The following PRELID2 variants were observed in gnomAD, a reference collection of about 807,000 sequenced individuals.
PRELID2 encodes the protein PRELI domain containing 2, also known as PRELI domain-containing protein 2.
PRELID2 carries 25 observed loss-of-function variants against 28.4 expected under a neutral mutation model. The observed-to-expected ratio is 0.88, with a 90% CI of 0.64 to 1.23. The LOEUF is 1.23. PRELID2 is among the 50% of genes most tolerant of loss of function. The pLI is 0.00. For missense variants in PRELID2, 201 were observed against 214.4 expected, an observed-to-expected ratio of 0.94 and a Z score of 0.39; for synonymous variants, 76 against 71.6, an observed-to-expected ratio of 1.06 and a Z score of -0.31.
intron 1 of PRELID2, among the ~76,000 whole-genome samples, chr5:145,713,800 C>T (rs1438687663): frequency 6.8e-6 from 1 of 146,872 alleles, no homozygotes; most frequent in Non-Finnish European, 1.5e-5. Context: ...AATGTAATTA[C>T]ATTTAAATGT....
chr5:145,493,197 A>G (rs1752282277), intron 1 of PRELID2, among the ~76,000 whole-genome samples: 1 of 95,744 alleles, frequency 1.0e-5, no homozygotes, highest in African/African-American at 3.0e-5. Flanking sequence ...AGCCCTGGAG[A>G]GTTCTACTCC....
chr5:145,312,287 G>T, the PRELID2 span, among the ~76,000 whole-genome samples: 1 of 152,026 alleles, frequency 6.6e-6, no homozygotes, highest in African/African-American at 2.4e-5. Context: ...GGAGGTCGAG[G>T]CTGCAGTGAG....
the PRELID2 span, among the ~76,000 whole-genome samples, chr5:145,307,106 T>C: frequency 1.3e-5 from 2 of 152,228 alleles, no homozygotes; most frequent in East Asian, 3.8e-4. Context: ...TATTCCTTGC[T>C]TCTGTTGCTA....
the PRELID2 span, among the ~76,000 whole-genome samples, chr5:145,393,167 A>G: frequency 6.6e-6 from 1 of 152,216 alleles, no homozygotes; most frequent in African/African-American, 2.4e-5. Flanking sequence ...TGAATGTATA[A>G]TAGAGAATGA....
At chr5:145,518,262 C>T (rs1459748290) in intron 1 of PRELID2, among the ~76,000 whole-genome samples, 8 of 152,022 alleles carry the variant, frequency 5.3e-5, no homozygotes, top group East Asian at 1.9e-4. Context: ...TGCAGTGGCA[C>T]GATCTCAGCT....
chr5:145,559,826 T>G, intron 1 of PRELID2, among the ~76,000 whole-genome samples: 1 of 46,586 alleles, frequency 2.1e-5, no homozygotes, highest in African/African-American at 5.1e-5. Context: ...TTTTCCTTGG[T>G]AAAAAGAGGT....
the PRELID2 span, among the ~76,000 whole-genome samples, chr5:145,390,042 T>C: frequency 1.6e-4 from 24 of 152,270 alleles, no homozygotes; most frequent in African/African-American, 5.8e-4. Context: ...GCCTTCACAG[T>C]TTGATTAGGA....
At chr5:145,367,839 A>G in the PRELID2 span, among the ~76,000 whole-genome samples, 9 of 141,198 alleles carry the variant, frequency 6.4e-5, no homozygotes, top group African/African-American at 2.3e-4. Context: ...ATTTTTATCT[A>G]TCCACTCACC....
chr5:145,815,478 G>A (rs941973429), intron 4 of PRELID2, among the ~76,000 whole-genome samples: 7 of 152,002 alleles, frequency 4.6e-5, no homozygotes, highest in Admixed American at 4.6e-4. Context: ...TAGTATATTC[G>A]CAGAGTTCTG....
At chr5:145,751,987 AAAG>A (rs914236003), downstream of PRELID2, among the ~76,000 whole-genome samples, 2 of 152,138 alleles carry the variant, frequency 1.3e-5, no homozygotes, top group African/African-American at 4.8e-5. Context: ...CATCTCAAAA[AAAG>A]AAAAGTTTTT....
At chr5:145,740,817 C>T (rs1159137043) in intron 1 of PRELID2, among the ~76,000 whole-genome samples, 4 of 83,282 alleles carry the variant, frequency 4.8e-5, no homozygotes, top group African/African-American at 2.3e-4. Flanking sequence ...ATACATTATA[C>T]ATATATACAA....
chr5:145,496,819 G>C (rs1227407170), intron 1 of PRELID2, among the ~76,000 whole-genome samples: 1 of 151,852 alleles, frequency 6.6e-6, no homozygotes. Context: ...GGCCTGTCTT[G>C]GTGTCTGCTT....
intron 1 of PRELID2, among the ~76,000 whole-genome samples, chr5:145,545,549 C>T (rs1752779172): frequency 6.6e-6 from 1 of 152,044 alleles, no homozygotes; most frequent in Non-Finnish European, 1.5e-5. Flanking sequence ...TCTTTGAGGA[C>T]TTGAACACAT....
the PRELID2 span, among the ~76,000 whole-genome samples, chr5:145,406,026 A>G: frequency 6.6e-6 from 1 of 151,932 alleles, no homozygotes; most frequent in East Asian, 1.9e-4. Context: ...CTTTTAAACA[A>G]CCAGATCTTA....
At chr5:145,551,743 A>G (rs1752837185) in intron 1 of PRELID2, among the ~76,000 whole-genome samples, 1 of 152,102 alleles carries the variant, frequency 6.6e-6, no homozygotes, top group South Asian at 2.1e-4. Flanking sequence ...TAATAAAGAG[A>G]CTCTTTACAA....
chr5:145,264,785 C>G, the PRELID2 span, among the ~76,000 whole-genome samples: 1 of 151,760 alleles, frequency 6.6e-6, no homozygotes, highest in South Asian at 2.1e-4. Context: ...ACCAGCTTAG[C>G]CAACATGGTG....
chr5:145,655,754 A>C (rs1394928206), intron 1 of PRELID2, among the ~76,000 whole-genome samples: 1 of 152,230 alleles, frequency 6.6e-6, no homozygotes, highest in Non-Finnish European at 1.5e-5. Flanking sequence ...TTAATTCAAG[A>C]TGCATTAAAG....
chr5:145,767,575 G>C (rs761501221), intron 5 of PRELID2, among the ~76,000 whole-genome samples: 19 of 152,182 alleles, frequency 1.2e-4, no homozygotes, highest in Admixed American at 1.1e-3. Flanking sequence ...AGGGTCAAAG[G>C]CAACCTCTAG....
the PRELID2 span, among the ~76,000 whole-genome samples, chr5:145,290,183 A>T: frequency 6.6e-6 from 1 of 152,152 alleles, no homozygotes; most frequent in Non-Finnish European, 1.5e-5. Context: ...ATTGTGGAAG[A>T]CAGTGTGGCG....
Sources: gnomAD v4.1 joint callset for allele counts (sites outside exome capture counted in the v4.1 genomes callset) on GRCh38, gnomAD v4.1.1 for gene constraint, MANE v1.5 for transcripts, NCBI Gene and HGNC (gene_info 2026-07-23, HGNC 2026-07-21) for gene names.